Variants in DAAM1 observed in about 807,000 individuals in gnomAD.
DAAM1 encodes the protein disheveled-associated activator of morphogenesis 1.
In DAAM1, 52 loss-of-function variants were observed where a neutral mutation model predicts 130.0. The ratio of observed to expected loss-of-function variants is 0.40; its 90% CI spans 0.32 to 0.50. The LOEUF is 0.50. Ranked by LOEUF, DAAM1 falls within the 20% of genes least tolerant of loss-of-function variation. The pLI, the probability that DAAM1 is intolerant of heterozygous loss-of-function variation, is 0.61. For missense variants in DAAM1, 1,134 were observed against 1,303.8 expected (o/e 0.87, Z 2.01); for synonymous variants, 452 against 444.5 (o/e 1.02, Z -0.21).
intron 1 of DAAM1, among the ~76,000 whole-genome samples, chr14:59,197,291 AAAC>A (rs1365416511): frequency 2.0e-5 from 3 of 152,372 alleles, no homozygotes; most frequent in East Asian, 3.9e-4. Flanking sequence ...GGTGGAAAAG[AAAC>A]AACAATACCA....
chr14:59,262,224 C>T (rs1235891168), intron 1 of DAAM1, among the ~76,000 whole-genome samples: 1 of 152,146 alleles, frequency 6.6e-6, no homozygotes. Flanking sequence ...GATTTGCTGT[C>T]TATCCTTCTG....
chr14:59,242,715 C>T lies in DAAM1; in HGVS notation c.-37-20726C>T, dbSNP rs150847537. ...CTGGGACTACAGGCACCCGCCACCA[C>T]GCCTGGCTAATTTTTTGTATTTTTA... On this transcript the variant is annotated intron_variant, in intron 1 of 24. Transcript: ENST00000360909. Among the ~76,000 whole-genome samples, 497 of 152,176 alleles carry T rather than the reference C, an allele frequency of 3.3e-3. 3 individuals carry two copies. Among genetic ancestry groups the T allele is most frequent in the African/African-American group, 0.011 (459 of 41,512 alleles).
chr14:59,246,187 C>G (rs183279888), intron 1 of DAAM1, among the ~76,000 whole-genome samples: 108 of 152,250 alleles, frequency 7.1e-4, no homozygotes, highest in African/African-American at 2.6e-3. Context: ...AAAACTGAAA[C>G]TCCATACCCA....
intron 18 of DAAM1, 132 bp downstream of exon 18, chr14:59,352,764 T>C: frequency 5.2e-6 from 4 of 769,558 alleles, no homozygotes; most frequent in Non-Finnish European, 8.2e-6. Context: ...CTAAAAATCT[T>C]CTCAAGTCTG....
At chr14:59,356,961 C>A (rs1386965002) in intron 20 of DAAM1, among the ~76,000 whole-genome samples, 1 of 152,212 alleles carries the variant, frequency 6.6e-6, no homozygotes, top group Non-Finnish European at 1.5e-5. Flanking sequence ...TAAGCAGTCA[C>A]CCATGAACGT....
intron 2 of DAAM1, among the ~76,000 whole-genome samples, chr14:59,273,733 G>T (rs1317137163): frequency 2.6e-5 from 4 of 152,192 alleles, no homozygotes; most frequent in African/African-American, 9.7e-5. Context: ...ATCTTTATAA[G>T]TAGTGTGGTT....
chr14:59,307,787 G>T (rs1404659199), intron 3 of DAAM1, among the ~76,000 whole-genome samples: 2 of 152,130 alleles, frequency 1.3e-5, no homozygotes, highest in Admixed American at 1.3e-4. Flanking sequence ...TCATCTGGAG[G>T]TGTAAAAAAC....
At chr14:59,263,738 T>C (rs1412426952) in intron 2 of DAAM1, 78 bp downstream of exon 2, 3 of 1,571,028 alleles carry the variant, frequency 1.9e-6, no homozygotes, top group Non-Finnish European at 2.6e-6. Context: ...TGAGTTGGTT[T>C]GGTTTGACAT....
chr14:59,224,702 A>G (rs1327736446), intron 1 of DAAM1, among the ~76,000 whole-genome samples: 3 of 152,258 alleles, frequency 2.0e-5, no homozygotes, highest in Non-Finnish European at 4.4e-5. Flanking sequence ...TGAGAAAAAC[A>G]TGAATTTTGG....
At chr14:59,365,584 T>C (rs942872806) in intron 23 of DAAM1, among the ~76,000 whole-genome samples, 4 of 152,194 alleles carry the variant, frequency 2.6e-5, no homozygotes, top group African/African-American at 9.6e-5. Context: ...GTAAAATATA[T>C]ATAAATATAA....
At chr14:59,310,290 A>G (rs956428299) in intron 3 of DAAM1, among the ~76,000 whole-genome samples, 8 of 151,550 alleles carry the variant, frequency 5.3e-5, no homozygotes, top group South Asian at 2.1e-4. Flanking sequence ...TTTTAAAATT[A>G]TTATTATTTT....
At chr14:59,209,613 G>C (rs1160950218) in intron 1 of DAAM1, among the ~76,000 whole-genome samples, 1 of 152,008 alleles carries the variant, frequency 6.6e-6, no homozygotes, top group Non-Finnish European at 1.5e-5. Flanking sequence ...TATACAATAG[G>C]CTTTGTGTTA....
At position 59,367,615 on chromosome 14, in the gene DAAM1, A is replaced by C. The variant is rs778471119; in HGVS notation, c.2997+16A>C. ...GGAAGCTCAGGTGAGAGGATGATTA[A>C]TTGACCAATTCCACCTCCTAGAAGT... On this transcript the variant is annotated intron_variant, in intron 24 of 24. Transcript: ENST00000360909. The C allele has an allele frequency of 1.2e-6, 2 of 1,608,524 alleles. No homozygotes were observed. The highest frequency in any genetic ancestry group is 1.7e-5 in the Admixed American group (1 of 59,764).
chr14:59,227,268 G>A (rs1389637200), intron 1 of DAAM1, among the ~76,000 whole-genome samples: 1 of 152,092 alleles, frequency 6.6e-6, no homozygotes, highest in African/African-American at 2.4e-5. Flanking sequence ...AGGATGGTGT[G>A]GTGTACCTTT....
chr14:59,288,171 A>G (rs958035953), intron 2 of DAAM1, among the ~76,000 whole-genome samples: 8 of 152,226 alleles, frequency 5.3e-5, no homozygotes. Flanking sequence ...AACAGTAAAG[A>G]AAGGACATCC....
chr14:59,203,158 A>ATTTTTT (rs57437992), intron 1 of DAAM1, among the ~76,000 whole-genome samples: 244 of 107,624 alleles, frequency 2.3e-3, no homozygotes, highest in Non-Finnish European at 2.8e-3. Flanking sequence ...CTTCTGGCTA[A>ATTTTTT]TTTTTTTTTT....
Position 59,368,950 on chromosome 14 carries a change from T to A in DAAM1, c.*91T>A. 8.2e-7 allele frequency: 1 copy of A among 1,216,646 alleles called. No individual in the cohort carries two copies. Among genetic ancestry groups the A allele is most frequent in the Non-Finnish European group, 1.1e-6 (1 of 877,824 alleles). 75.4% of individuals were successfully genotyped at this position (1,216,646 alleles called of 1,614,324 possible). On this transcript the variant is annotated 3_prime_UTR_variant, in exon 25 of 25. Transcript: ENST00000360909. ...TTACACTGCCTTGCAATCCAAACAG[T>A]GGCAATTTTTTCCTTCATCTGTGAG... is the stretch of plus-strand genomic sequence containing the variant.
At chr14:59,257,015 C>G (rs1464103651) in intron 1 of DAAM1, among the ~76,000 whole-genome samples, 1 of 152,198 alleles carries the variant, frequency 6.6e-6, no homozygotes, top group Non-Finnish European at 1.5e-5. Flanking sequence ...AAACTATGCA[C>G]CAGCTAGTTT....
At chr14:59,225,018 G>GTTTTTTTT (rs1566656866) in intron 1 of DAAM1, among the ~76,000 whole-genome samples, 1 of 102,868 alleles carries the variant, frequency 9.7e-6, no homozygotes, top group African/African-American at 3.5e-5. Flanking sequence ...AATCTGTGTG[G>GTTTTTTTT]GTTTTTTTTT....
Sources: gnomAD v4.1 joint callset for allele counts (sites outside exome capture counted in the v4.1 genomes callset) on GRCh38, gnomAD v4.1.1 for gene constraint, MANE v1.5 for transcripts, NCBI Gene and HGNC (gene_info 2026-07-23, HGNC 2026-07-21) for gene names.